Variants in ARHGAP21 observed in about 807,000 individuals in gnomAD.
ARHGAP21 encodes Rho GTPase activating protein 21.
A neutral mutation model predicts 164.6 loss-of-function variants in ARHGAP21; 38 were observed. The ratio of observed to expected loss-of-function variants is 0.23; its 90% CI spans 0.18 to 0.30. ARHGAP21 has a LOEUF of 0.30. Among genes scored for constraint, ARHGAP21 ranks in the 10% least tolerant of loss-of-function variants. The pLI, the probability that ARHGAP21 is intolerant of heterozygous loss-of-function variation, is 1.00. For synonymous variants in ARHGAP21, 766 were observed against 857.9 expected (o/e 0.89, Z 1.87); for missense variants, 1,822 against 2,370.7 (o/e 0.77, Z 4.81).
chr10:24,691,192 C>T (rs892955114), intron 2 of ARHGAP21, among the ~76,000 whole-genome samples: 3 of 152,150 alleles, frequency 2.0e-5, no homozygotes, highest in African/African-American at 4.8e-5. Flanking sequence ...AGCTGTCTTA[C>T]ATTCTGATTA....
At chr10:24,695,516 C>G (rs542199353) in intron 2 of ARHGAP21, among the ~76,000 whole-genome samples, 13 of 151,268 alleles carry the variant, frequency 8.6e-5, no homozygotes, top group Admixed American at 2.6e-4. Flanking sequence ...TTGCAGTAAG[C>G]TGAGATTGCC....
intron 3 of ARHGAP21, among the ~76,000 whole-genome samples, chr10:24,667,697 C>T (rs1204090827): frequency 1.3e-5 from 2 of 151,630 alleles, no homozygotes; most frequent in Non-Finnish European, 2.9e-5. Flanking sequence ...AACAGACGTT[C>T]GGTGAAGGGC....
chr10:24,595,556 C>T (rs1371526997), intron 19 of ARHGAP21, among the ~76,000 whole-genome samples, 161 bp downstream of exon 19: 2 of 152,154 alleles, frequency 1.3e-5, no homozygotes, highest in East Asian at 1.9e-4. Flanking sequence ...TTTCACTGAA[C>T]CTAAATAACT....
chr10:24,595,252 T>G (rs1480363324), intron 19 of ARHGAP21, 62 bp from the exon 20 acceptor site: 1 of 1,372,758 alleles, frequency 7.3e-7, no homozygotes, highest in Non-Finnish European at 1.0e-6. Flanking sequence ...GTAATCTAGT[T>G]TCCCTTTAAG....
Position 24,662,113 on chromosome 10 carries a change from G to A in ARHGAP21, c.268+4872C>T, listed in dbSNP as rs78996950. ...TGAGTAACAAGTGATGGTTGCTCCT[G>A]CAAAGTGTTCACAGCCTCTAAACCT... is the stretch of plus-strand genomic sequence containing the variant. On this transcript the variant is annotated intron_variant, in intron 4 of 25. Coordinates refer to ENST00000396432, the MANE Select transcript of ARHGAP21 (RefSeq NM_020824.4). Among the ~76,000 whole-genome samples, 171 of 152,298 alleles carry A rather than the reference G, an allele frequency of 1.1e-3. 5 individuals carry two copies. The East Asian group carries it at 0.029, about 26-fold the overall frequency.
intron 24 of ARHGAP21, 105 bp downstream of exon 24, chr10:24,591,114 GAGAAAA>G: frequency 9.3e-7 from 1 of 1,076,364 alleles, no homozygotes; most frequent in African/African-American, 1.6e-5. Context: ...TAGAAAGGAA[GAGAAAA>G]AGAAAAAAAT....
intron 2 of ARHGAP21, among the ~76,000 whole-genome samples, chr10:24,689,233 G>A (rs1448115432): frequency 6.6e-6 from 1 of 151,850 alleles, no homozygotes; most frequent in African/African-American, 2.4e-5. Context: ...CTAACAAATT[G>A]TTTTAACAAT....
At chr10:24,596,673 T>C (rs150005872) in intron 17 of ARHGAP21, 67 bp downstream of exon 17, 3 of 1,605,450 alleles carry the variant, frequency 1.9e-6, no homozygotes, top group Non-Finnish European at 2.6e-6. Flanking sequence ...GGCTATATAC[T>C]CAGATCCCAT....
At position 24,592,027 on chromosome 10, in the gene ARHGAP21, G is replaced by C; in HGVS notation, c.3877-15C>G. 6.4e-7 allele frequency: 1 copy of C among 1,553,162 alleles called. No homozygotes were observed. The highest frequency in any genetic ancestry group is 1.3e-5 in the South Asian group (1 of 79,880). ...CTTGGTTCCATCTGAAAGAAAGGAT[G>C]ATACTGGGAAATACCAGAATTTTTC... On this transcript the variant is annotated splice_polypyrimidine_tract_variant and intron_variant, in intron 21 of 25. Transcript: ENST00000396432.
chr10:24,715,657 T>C (rs1454984056), intron 2 of ARHGAP21, among the ~76,000 whole-genome samples: 1 of 152,144 alleles, frequency 6.6e-6, no homozygotes, highest in Non-Finnish European at 1.5e-5. Context: ...GAATTTAAGG[T>C]GGGCAGGAGG....
At chr10:24,700,122 T>C (rs1027002842) in intron 2 of ARHGAP21, among the ~76,000 whole-genome samples, 5 of 152,154 alleles carry the variant, frequency 3.3e-5, no homozygotes, top group Non-Finnish European at 7.3e-5. Context: ...TAGGCCTCTG[T>C]CCTTTAATTC....
intron 6 of ARHGAP21, among the ~76,000 whole-genome samples, chr10:24,631,375 TAATAA>T (rs951119452): frequency 6.7e-6 from 1 of 148,874 alleles, no homozygotes; most frequent in South Asian, 2.2e-4. Context: ...AAAAAAGAAA[TAATAA>T]AATAAAATAA....
chr10:24,601,963 T>C lies in ARHGAP21; in HGVS notation c.2847+15A>G. 6.5e-7 allele frequency: 1 copy of C among 1,549,116 alleles called. No individual in the cohort carries two copies. Among genetic ancestry groups the C allele is most frequent in the South Asian group, 1.2e-5 (1 of 80,086 alleles). ...TGCATTTCTGACACTCAGGGTGGCT[T>C]AGAAAACACACTACCTTGCCCTTAT... On this transcript the variant is annotated intron_variant, in intron 13 of 25. Coordinates refer to ENST00000396432, the MANE Select transcript of ARHGAP21 (RefSeq NM_020824.4).
rs765045831 is a variant in ARHGAP21, at chr10:24,622,707, G to A, written c.525+26C>T. The A allele has an allele frequency of 3.8e-6, 6 of 1,599,320 alleles. No homozygotes were observed. The Admixed American group carries it at 1.1e-4, about 28-fold the overall frequency. Reference sequence around the variant, plus strand: ...CTACAAAACATGACTTAAAAAGCAAGGAAATGGCTACTGTGCATTTCTTAC... The same window carrying A: ...CTACAAAACATGACTTAAAAAGCAAAGAAATGGCTACTGTGCATTTCTTAC... On this transcript the variant is annotated intron_variant, in intron 8 of 25. Transcript: ENST00000396432.
intron 4 of ARHGAP21, among the ~76,000 whole-genome samples, chr10:24,656,528 C>T (rs1335945369): frequency 2.2e-5 from 2 of 90,890 alleles, no homozygotes; most frequent in African/African-American, 9.4e-5. Flanking sequence ...GGGGGGTCAG[C>T]CCCCCGCCCG....
At chr10:24,642,998 C>G (rs1311111861) in intron 4 of ARHGAP21, among the ~76,000 whole-genome samples, 1 of 152,162 alleles carries the variant, frequency 6.6e-6, no homozygotes, top group African/African-American at 2.4e-5. Context: ...AATAGTGCTA[C>G]GACTAATCTG....
intron 24 of ARHGAP21, chr10:24,590,012 G>T: frequency 3.9e-6 from 1 of 257,498 alleles, no homozygotes; most frequent in Non-Finnish European, 6.3e-6. Context: ...TTTACTGTCT[G>T]GCAAAAACTC....
rs146968429 is a variant in ARHGAP21 at position 24,642,246 on chromosome 10, G to T, written c.269-7143C>A. On this transcript the variant is annotated intron_variant, in intron 4 of 25. Coordinates refer to ENST00000396432, the MANE Select transcript of ARHGAP21 (RefSeq NM_020824.4). ...ACATTTTCTTAAAAGCAAGAAACAG[G>T]GGCTCACGCCTGTAATCCCAGCACT... Among the ~76,000 whole-genome samples the T allele has an allele frequency of 1.5e-3, 231 of 151,824 alleles. 5 individuals are homozygous for T. In the East Asian group the frequency reaches 0.038, roughly 25 times the overall value.
At chr10:24,715,347 G>A (rs2132286216) in intron 2 of ARHGAP21, among the ~76,000 whole-genome samples, 1 of 152,060 alleles carries the variant, frequency 6.6e-6, no homozygotes, top group South Asian at 2.1e-4. Context: ...AAATATTTAT[G>A]ACATGAAAAA....
Sources: gnomAD v4.1 joint callset for allele counts (sites outside exome capture counted in the v4.1 genomes callset) on GRCh38, gnomAD v4.1.1 for gene constraint, MANE v1.5 for transcripts, NCBI Gene and HGNC (gene_info 2026-07-23, HGNC 2026-07-21) for gene names.